The following RIMS1 variants were observed in gnomAD, a reference collection of about 807,000 sequenced individuals.
RIMS1 encodes the protein regulating synaptic membrane exocytosis protein 1.
A neutral mutation model predicts 214.1 loss-of-function variants in RIMS1; 83 were observed. That is an observed-to-expected ratio of 0.39 (90% CI 0.32 to 0.47). The LOEUF (loss-of-function observed/expected upper bound fraction) is 0.47, where lower values mean the gene tolerates loss of function less well. Ranked by LOEUF, RIMS1 falls within the 20% of genes least tolerant of loss-of-function variation. The pLI, the probability that RIMS1 is intolerant of heterozygous loss-of-function variation, is 0.99. For synonymous variants in RIMS1, 793 were observed against 786.8 expected, an observed-to-expected ratio of 1.01 and a Z score of -0.13; for missense variants, 2,050 against 2,161.8, an observed-to-expected ratio of 0.95 and a Z score of 1.03.
intron 22 of RIMS1, among the ~76,000 whole-genome samples, chr6:72,267,180 A>G (rs116008747): frequency 0.011 from 1,745 of 152,270 alleles, 38 homozygotes; most frequent in African/African-American, 0.039. Context: ...TGAAAGGACT[A>G]TAGAGTCTCT....
rs1456218166 is a variant in RIMS1, at chr6:72,401,131, CTTTT to C, written c.*418_*421del. 1.3e-5 allele frequency: 2 copies of C among 157,206 alleles called. No individual in the cohort carries two copies. Among genetic ancestry groups the C allele is most frequent in the Non-Finnish European group, 2.8e-5 (2 of 70,920 alleles). 9.7% of individuals were successfully genotyped at this position (157,206 alleles called of 1,614,324 possible). A position where few individuals can be genotyped will look rare whatever the true frequency, so the allele number is the denominator to read the frequency against. ...TCCCTGATGTTTGAGTTGTTTTGTT[CTTTT>C]GTGTGTTTTGTTTATTTGTGTGTTG... On this transcript the variant is annotated 3_prime_UTR_variant, in exon 34 of 34. Transcript: ENST00000521978.
In RIMS1 at chr6:72,132,982, T is replaced by C. The variant is rs1277271954; in HGVS notation, c.471+32996T>C. Among the ~76,000 whole-genome samples, 3 of 151,916 alleles carry C rather than the reference T, an allele frequency of 2.0e-5. No individual in the cohort carries two copies. The South Asian group carries it at 6.2e-4, about 32-fold the overall frequency. Reference sequence around the variant, plus strand: ...TTATTAATTGTCAAGACAACCCTATTACTATCTAGTCATGACAAATGAGAA... The same window carrying C: ...TTATTAATTGTCAAGACAACCCTATCACTATCTAGTCATGACAAATGAGAA... On this transcript the variant is annotated intron_variant, in intron 4 of 33. Coordinates refer to ENST00000521978, the MANE Select transcript of RIMS1 (RefSeq NM_014989.7).
chr6:71,996,415 T>C (rs1448842322), intron 2 of RIMS1, among the ~76,000 whole-genome samples: 1 of 152,200 alleles, frequency 6.6e-6, no homozygotes, highest in Non-Finnish European at 1.5e-5. Flanking sequence ...ACTCTATACT[T>C]TCACTATTAT....
At chr6:72,322,936 G>A (rs1408356950) in intron 28 of RIMS1, among the ~76,000 whole-genome samples, 2 of 152,014 alleles carry the variant, frequency 1.3e-5, no homozygotes, top group Non-Finnish European at 2.9e-5. Context: ...GAAGTTTCCA[G>A]GAAAGCAAAC....
chr6:71,960,622 T>C (rs1435587012), intron 1 of RIMS1, among the ~76,000 whole-genome samples: 1 of 152,124 alleles, frequency 6.6e-6, no homozygotes, highest in African/African-American at 2.4e-5. Flanking sequence ...CTGGAAATAT[T>C]AGATGTCCTT....
At chr6:72,080,590 G>A (rs941463673) in intron 2 of RIMS1, among the ~76,000 whole-genome samples, 7 of 152,150 alleles carry the variant, frequency 4.6e-5, no homozygotes, top group African/African-American at 1.7e-4. Context: ...CAGAGTAAAA[G>A]CCAAATCCCG....
At chr6:72,307,653 A>G (rs2095290514) in intron 27 of RIMS1, among the ~76,000 whole-genome samples, 1 of 152,100 alleles carries the variant, frequency 6.6e-6, no homozygotes, top group Non-Finnish European at 1.5e-5. Flanking sequence ...AGGCTGAGGT[A>G]GGAGAATCCC....
intron 2 of RIMS1, among the ~76,000 whole-genome samples, chr6:72,016,237 G>A (rs1010655149): frequency 6.6e-6 from 1 of 151,878 alleles, no homozygotes; most frequent in East Asian, 1.9e-4. Flanking sequence ...TTTATAAGGG[G>A]TATTGGTCTG....
intron 6 of RIMS1, among the ~76,000 whole-genome samples, chr6:72,183,903 A>G (rs912561764): frequency 1.3e-5 from 2 of 151,942 alleles, no homozygotes; most frequent in Non-Finnish European, 2.9e-5. Context: ...AACCTTAAAC[A>G]CACACTTATA....
chr6:71,933,877 T>G (rs1467706894), intron 1 of RIMS1, among the ~76,000 whole-genome samples: 2 of 152,172 alleles, frequency 1.3e-5, no homozygotes, highest in African/African-American at 4.8e-5. Context: ...TTAATATATC[T>G]TTTAATTATT....
At chr6:71,932,442 TAGAG>T (rs1218255118) in intron 1 of RIMS1, among the ~76,000 whole-genome samples, 1 of 151,836 alleles carries the variant, frequency 6.6e-6, no homozygotes, top group Non-Finnish European at 1.5e-5. Flanking sequence ...CATGAACACA[TAGAG>T]GGGAACAACA....
chr6:72,064,507 A>G (rs1041543155), intron 2 of RIMS1, among the ~76,000 whole-genome samples: 1 of 152,114 alleles, frequency 6.6e-6, no homozygotes, highest in African/African-American at 2.4e-5. Context: ...GGAGGTAGGG[A>G]AGGAAGGAAG....
chr6:71,902,054 G>A (rs1353203476), intron 1 of RIMS1, among the ~76,000 whole-genome samples: 1 of 152,018 alleles, frequency 6.6e-6, no homozygotes, highest in Non-Finnish European at 1.5e-5. Context: ...GTTCAATTTG[G>A]GTTTCTTTAA....
chr6:72,012,334 G>A (rs1219601613), intron 2 of RIMS1, among the ~76,000 whole-genome samples: 1 of 152,068 alleles, frequency 6.6e-6, no homozygotes, highest in Non-Finnish European at 1.5e-5. Flanking sequence ...CTGTTGTAGG[G>A]TGGGGGAAAG....
chr6:72,188,217 T>C (rs530107584), intron 6 of RIMS1, among the ~76,000 whole-genome samples: 130 of 152,308 alleles, frequency 8.5e-4, no homozygotes, highest in African/African-American at 3.0e-3. Context: ...ATACTTTGCA[T>C]CCTTCAATCC....
At chr6:72,247,909 C>T (rs1406924063) in intron 11 of RIMS1, 106 bp from the exon 12 acceptor site, 1 of 725,874 alleles carries the variant, frequency 1.4e-6, no homozygotes, top group Non-Finnish European at 2.4e-6. Flanking sequence ...GTTCTGTTAT[C>T]AGTGATAGTA....
At chr6:72,155,447 T>C (rs530410310) in intron 4 of RIMS1, among the ~76,000 whole-genome samples, 5 of 140,502 alleles carry the variant, frequency 3.6e-5, no homozygotes, top group African/African-American at 1.2e-4. Flanking sequence ...TTCAGGTATC[T>C]TTTCAGCAAC....
intron 4 of RIMS1, among the ~76,000 whole-genome samples, chr6:72,173,834 G>A (rs150512826): frequency 1.5e-3 from 223 of 152,158 alleles, no homozygotes; most frequent in African/African-American, 5.2e-3. Context: ...GTGCATATGT[G>A]GGAGGTGTTT....
At chr6:72,081,809 G>A (rs977765312) in intron 2 of RIMS1, among the ~76,000 whole-genome samples, 2 of 151,896 alleles carry the variant, frequency 1.3e-5, no homozygotes. Flanking sequence ...TCTCTTTCGT[G>A]GATATAAAAG....
Sources: gnomAD v4.1 joint callset for allele counts (sites outside exome capture counted in the v4.1 genomes callset) on GRCh38, gnomAD v4.1.1 for gene constraint, MANE v1.5 for transcripts, NCBI Gene and HGNC (gene_info 2026-07-23, HGNC 2026-07-21) for gene names.